The following CALU variants were observed in gnomAD, a reference collection of about 807,000 sequenced individuals.
CALU encodes IEF SSP 9302.
A neutral mutation model predicts 37.5 loss-of-function variants in CALU; 13 were observed. The ratio of observed to expected loss-of-function variants is 0.35; its 90% CI spans 0.23 to 0.55. CALU has a LOEUF of 0.55. CALU is among the 20% of genes least tolerant of loss of function. The probability of loss-of-function intolerance (pLI) is 0.89; values close to 1 mark genes in which losing one functional copy is unlikely to be tolerated. For missense variants in CALU, 282 were observed against 391.7 expected (o/e 0.72, Z 2.36); for synonymous variants, 114 against 133.8 (o/e 0.85, Z 1.02).
chr7:128,758,467 T>C (rs1463539787), intron 3 of CALU, among the ~76,000 whole-genome samples: 2 of 152,234 alleles, frequency 1.3e-5, no homozygotes, highest in Admixed American at 1.3e-4. Context: ...GCACCATTGC[T>C]AGCTCCATTT....
In CALU at chr7:128,772,551, C is replaced by T; in HGVS notation, c.*3384C>T. 6.2e-7 allele frequency: 1 copy of T among 1,614,106 alleles called. No homozygotes were observed. The highest frequency in any genetic ancestry group is 8.5e-7 in the Non-Finnish European group (1 of 1,180,020). On this transcript the variant is annotated 3_prime_UTR_variant, in exon 7 of 7. Transcript: ENST00000249364. ...CCAATATTGGGTCCTCAGTTGGGGCCAACTTGGGTAGACGAGACAGTAGAA... is the reference window on the plus strand; with the variant it reads ...CCAATATTGGGTCCTCAGTTGGGGCTAACTTGGGTAGACGAGACAGTAGAA...
At chr7:128,742,803 A>G (rs1361529189) in intron 1 of CALU, among the ~76,000 whole-genome samples, 1 of 152,186 alleles carries the variant, frequency 6.6e-6, no homozygotes, top group East Asian at 1.9e-4. Context: ...TTTATAAATT[A>G]CTGGAACGAT....
rs573293650 is a variant in CALU at position 128,755,514 on chromosome 7, C to G, written c.415+1059C>G. Among the ~76,000 whole-genome samples, 3 of 152,270 alleles carry G rather than the reference C, an allele frequency of 2.0e-5. No homozygotes were observed. The South Asian group carries it at 6.2e-4, about 32-fold the overall frequency. ...AAATTTAACTATTTCAGTATGTCTG[C>G]TTACTGAAGTTTGGAAATGAAAATT... On this transcript the variant is annotated intron_variant, in intron 3 of 6. Coordinates refer to ENST00000249364, the MANE Select transcript of CALU (RefSeq NM_001219.5).
At chr7:128,752,696 T>A (rs1039303210) in intron 2 of CALU, among the ~76,000 whole-genome samples, 3 of 152,218 alleles carry the variant, frequency 2.0e-5, no homozygotes, top group African/African-American at 7.2e-5. Context: ...TAACTACTTT[T>A]TTTTCTGAGA....
At chr7:128,749,492 C>CA (rs1800575947) in intron 2 of CALU, among the ~76,000 whole-genome samples, 1 of 152,078 alleles carries the variant, frequency 6.6e-6, no homozygotes, top group Admixed American at 6.5e-5. Context: ...TTGGTCCTTC[C>CA]AAAGCCTTCC....
chr7:128,741,284 A>C (rs921555954), intron 1 of CALU, among the ~76,000 whole-genome samples: 38 of 152,244 alleles, frequency 2.5e-4, no homozygotes, highest in African/African-American at 8.4e-4. Context: ...GAAGTTGGAG[A>C]ACACAGGCAG....
Position 128,771,687 on chromosome 7 carries a change from T to G in CALU, c.*2520T>G, listed in dbSNP as rs1801569830. On this transcript the variant is annotated 3_prime_UTR_variant, in exon 7 of 7. Transcript: ENST00000249364. Reference sequence around the variant, plus strand: ...AGCCATAACCCTTTTTTACTTCCATTAGGCCGTATAACTGGAGAGACCTGC... The same window carrying G: ...AGCCATAACCCTTTTTTACTTCCATGAGGCCGTATAACTGGAGAGACCTGC... 1 of 152,194 alleles carries G rather than the reference T, an allele frequency of 6.6e-6. No individual in the cohort carries two copies. The highest frequency in any genetic ancestry group is 2.1e-4 in the South Asian group (1 of 4,832). 9.4% of individuals were successfully genotyped at this position (152,194 alleles called of 1,614,324 possible).
intron 2 of CALU, among the ~76,000 whole-genome samples, chr7:128,750,079 T>G (rs750102932): frequency 1.3e-5 from 2 of 151,860 alleles, no homozygotes; most frequent in Middle Eastern, 3.4e-3. Flanking sequence ...ACAAAAAAAA[T>G]TAGCCGGGCG....
intron 6 of CALU, 63 bp downstream of exon 6, chr7:128,767,718 G>T: frequency 6.0e-6 from 8 of 1,343,126 alleles, no homozygotes; most frequent in Non-Finnish European, 7.4e-6. Context: ...GGGATCACCT[G>T]AACAGTTTCT....
chr7:128,750,483 A>C (rs1439354365), intron 2 of CALU, among the ~76,000 whole-genome samples: 1 of 152,222 alleles, frequency 6.6e-6, no homozygotes, highest in Non-Finnish European at 1.5e-5. Context: ...TTTTGTGATC[A>C]GTGGATATTA....
chr7:128,758,830 T>C, intron 3 of CALU, 41 bp from the exon 4 acceptor site: 1 of 1,411,418 alleles, frequency 7.1e-7, no homozygotes, highest in Non-Finnish European at 9.9e-7. Flanking sequence ...TCATGTTTTC[T>C]GAAAGTCTTT....
intron 6 of CALU, among the ~76,000 whole-genome samples, chr7:128,768,207 G>C (rs2128883691): frequency 6.6e-6 from 1 of 152,234 alleles, no homozygotes; most frequent in East Asian, 1.9e-4. Context: ...GCCCTGCTTG[G>C]AGTAAGCTGA....
At chr7:128,752,882 A>G (rs1800731788) in intron 2 of CALU, among the ~76,000 whole-genome samples, 1 of 152,098 alleles carries the variant, frequency 6.6e-6, no homozygotes, top group Non-Finnish European at 1.5e-5. Flanking sequence ...ACTGGGTTTC[A>G]CCATGTTGGC....
intron 2 of CALU, among the ~76,000 whole-genome samples, chr7:128,751,100 C>T (rs759660537): frequency 1.8e-4 from 27 of 151,192 alleles, no homozygotes; most frequent in Non-Finnish European, 2.8e-4. Flanking sequence ...CCATCCTGGC[C>T]AATATGGTGA....
chr7:128,747,496 T>C (rs1563127193), intron 1 of CALU: 2 of 151,328 alleles, frequency 1.3e-5, no homozygotes, highest in South Asian at 4.3e-4. Flanking sequence ...TGTGTTGTCG[T>C]ATTTACTCTA....
chr7:128,749,691 C>T (rs1282478431), intron 2 of CALU, among the ~76,000 whole-genome samples: 1 of 152,126 alleles, frequency 6.6e-6, no homozygotes, highest in Non-Finnish European at 1.5e-5. Context: ...TTGGAAGATG[C>T]TGCAGAATAG....
intron 6 of CALU, among the ~76,000 whole-genome samples, chr7:128,768,112 G>T (rs1373916633): frequency 2.0e-5 from 3 of 152,024 alleles, no homozygotes; most frequent in Non-Finnish European, 2.9e-5. Flanking sequence ...TGTTCAAATT[G>T]TCCTTGATCA....
At chr7:128,740,500 C>T (rs2128876490) in intron 1 of CALU, among the ~76,000 whole-genome samples, 1 of 152,288 alleles carries the variant, frequency 6.6e-6, no homozygotes, top group East Asian at 1.9e-4. Context: ...TTTGACCTCA[C>T]TCAGTAGATT....
At position 128,771,592 on chromosome 7, in the gene CALU, C is replaced by T. The variant is rs1229051286; in HGVS notation, c.*2425C>T. On this transcript the variant is annotated 3_prime_UTR_variant, in exon 7 of 7. Transcript: ENST00000249364. ...GAAGTTCTCCCAAACTCAGAGACAG[C>T]ACTGCCTTCTCCTAAATGATTATTC... The T allele has an allele frequency of 6.6e-6, 1 of 152,502 alleles. No homozygotes were observed. Among genetic ancestry groups the T allele is most frequent in the East Asian group, 1.9e-4 (1 of 5,194 alleles). The allele number at this position is 152,502 out of a possible 1,614,324, so 9.4% of individuals were successfully genotyped here.
Sources: allele counts gnomAD v4.1 joint callset (sites outside exome capture counted in the v4.1 genomes callset), GRCh38; gene constraint gnomAD v4.1.1; transcripts MANE v1.5; gene names NCBI Gene and HGNC (gene_info 2026-07-23, HGNC 2026-07-21).